The following LHPP variants were observed in gnomAD, a reference collection of about 807,000 sequenced individuals.
The protein encoded by LHPP is hLHPP.
In LHPP, 24 loss-of-function variants were observed where a neutral mutation model predicts 30.3. The observed-to-expected ratio is 0.79, with a 90% CI of 0.57 to 1.11. The LOEUF is 1.11. Among genes scored for constraint, LHPP ranks in the 50% most tolerant of loss-of-function variants. LHPP has a pLI of 0.00. For missense variants in LHPP, 356 were observed against 367.2 expected (o/e 0.97, Z 0.25); for synonymous variants, 150 against 157.1 (o/e 0.95, Z 0.34).
At chr10:124,525,419 C>T (rs1215474391) in intron 6 of LHPP, among the ~76,000 whole-genome samples, 2 of 152,228 alleles carry the variant, frequency 1.3e-5, no homozygotes, top group African/African-American at 2.4e-5. Flanking sequence ...TTTATGCCCC[C>T]ACCACGGGGG....
chr10:124,499,787 A>G (rs1055027594), intron 5 of LHPP, among the ~76,000 whole-genome samples: 11 of 151,948 alleles, frequency 7.2e-5, no homozygotes, highest in African/African-American at 2.7e-4. Flanking sequence ...CCCTGTGTGC[A>G]TTTCGGTCCA....
At chr10:124,544,724 G>A (rs115037696) in intron 6 of LHPP, among the ~76,000 whole-genome samples, 1,586 of 152,280 alleles carry the variant, frequency 0.01, 33 homozygotes, top group African/African-American at 0.036. Flanking sequence ...CGGTGTTCTC[G>A]TCTCTGAAGT....
At chr10:124,610,692 C>A (rs868315290) in intron 6 of LHPP, among the ~76,000 whole-genome samples, 4 of 54,490 alleles carry the variant, frequency 7.3e-5, no homozygotes, top group Admixed American at 3.5e-4. Flanking sequence ...GGTGCGGGTG[C>A]GGGTGCAGGT....
intron 6 of LHPP, among the ~76,000 whole-genome samples, chr10:124,579,502 C>T (rs189617644): frequency 2.8e-4 from 42 of 152,274 alleles, no homozygotes; most frequent in African/African-American, 9.9e-4. Context: ...ATTCCAGTCC[C>T]CTGATGATGG....
intron 5 of LHPP, among the ~76,000 whole-genome samples, chr10:124,513,375 G>A (rs1326234697): frequency 6.6e-6 from 1 of 151,546 alleles, no homozygotes; most frequent in African/African-American, 2.4e-5. Flanking sequence ...TCAGATTTTG[G>A]AGTAGGGGAG....
At chr10:124,513,220 C>G (rs1447010220) in intron 5 of LHPP, among the ~76,000 whole-genome samples, 3 of 151,870 alleles carry the variant, frequency 2.0e-5, no homozygotes, top group African/African-American at 7.3e-5. Context: ...GCCACCATGC[C>G]TGGCTAATTT....
At chr10:124,518,387 A>G (rs982332460) in intron 6 of LHPP, among the ~76,000 whole-genome samples, 2 of 152,218 alleles carry the variant, frequency 1.3e-5, no homozygotes, top group Non-Finnish European at 2.9e-5. Flanking sequence ...CCAGTCCCCA[A>G]TCCTGCCTTT....
rs114230200 is a variant in LHPP, at chr10:124,468,584, C to A, written c.125+6597C>A. Among the ~76,000 whole-genome samples the A allele has an allele frequency of 3.4e-3, 516 of 152,300 alleles. 2 individuals are homozygous for A. The highest frequency in any genetic ancestry group is 0.012 in the African/African-American group (505 of 41,562). ...GCCTTGTCCACGAGGACCTTCTCAA[C>A]TGACCTTTGTGGCCTCTTCCACTGG... On this transcript the variant is annotated intron_variant, in intron 1 of 6. Transcript: ENST00000368842.
intron 5 of LHPP, among the ~76,000 whole-genome samples, chr10:124,507,925 G>A (rs1315493561): frequency 2.6e-5 from 2 of 77,618 alleles, no homozygotes; most frequent in Non-Finnish European, 4.8e-5. Flanking sequence ...AGGTGGGGAG[G>A]GTAGGCATGA....
intron 6 of LHPP, among the ~76,000 whole-genome samples, chr10:124,552,119 G>C (rs12763659): frequency 0.39 from 59,580 of 151,862 alleles, 13,524 homozygotes; most frequent in Non-Finnish European, 0.52. Context: ...ACTCCAGGCT[G>C]CCCCTGCCCT....
chr10:124,600,581 G>C (rs959759300), intron 6 of LHPP, among the ~76,000 whole-genome samples: 1 of 152,246 alleles, frequency 6.6e-6, no homozygotes, highest in Non-Finnish European at 1.5e-5. Flanking sequence ...GGGGTCTCAC[G>C]CAGTGGGGCC....
rs146600345 is a variant in LHPP at position 124,537,319 on chromosome 10, G to A, written c.716+20048G>A. On this transcript the variant is annotated intron_variant, in intron 6 of 6. Transcript: ENST00000368842. ...GGCCCGTGAGCTGTTGGGGGTGTCA[G>A]GGTTCTGCCCGTGAGATCCTCCTTG... Among the ~76,000 whole-genome samples, 602 of 152,348 alleles carry A rather than the reference G, an allele frequency of 4.0e-3. 5 individuals are homozygous for A. Among genetic ancestry groups the A allele is most frequent in the African/African-American group, 0.013 (559 of 41,576 alleles).
intron 6 of LHPP, chr10:124,526,383 A>G (rs1318433522): frequency 3.9e-6 from 1 of 254,812 alleles, no homozygotes; most frequent in Non-Finnish European, 6.2e-6. Context: ...TAGATTTGCA[A>G]ATGGAAGCTC....
intron 6 of LHPP, among the ~76,000 whole-genome samples, chr10:124,607,515 A>G (rs924856909): frequency 5.3e-5 from 8 of 152,228 alleles, no homozygotes; most frequent in Non-Finnish European, 1.0e-4. Flanking sequence ...CACGGACGCC[A>G]TTCGGCTAGG....
At chr10:124,573,713 C>T (rs1022081342) in intron 6 of LHPP, among the ~76,000 whole-genome samples, 8 of 152,178 alleles carry the variant, frequency 5.3e-5, no homozygotes, top group African/African-American at 1.9e-4. Flanking sequence ...ATCCTTGCTG[C>T]CACATCATCA....
intron 5 of LHPP, among the ~76,000 whole-genome samples, chr10:124,505,107 C>T (rs891082340): frequency 6.6e-6 from 1 of 152,164 alleles, no homozygotes; most frequent in Non-Finnish European, 1.5e-5. Context: ...GACATTTCTG[C>T]CTGTCCCCTT....
chr10:124,535,928 G>A (rs1955013155), intron 6 of LHPP, among the ~76,000 whole-genome samples: 1 of 152,386 alleles, frequency 6.6e-6, no homozygotes, highest in South Asian at 2.1e-4. Flanking sequence ...TCAAGGTGGG[G>A]CCCCTGGACC....
At chr10:124,545,534 G>A (rs966564762) in intron 6 of LHPP, among the ~76,000 whole-genome samples, 7 of 152,200 alleles carry the variant, frequency 4.6e-5, no homozygotes, top group African/African-American at 1.7e-4. Flanking sequence ...CCTCCTGAGC[G>A]GCAGGACTAT....
At chr10:124,545,166 G>A (rs1415168584) in intron 6 of LHPP, among the ~76,000 whole-genome samples, 5 of 152,214 alleles carry the variant, frequency 3.3e-5, no homozygotes, top group Non-Finnish European at 7.3e-5. Flanking sequence ...GTGAAGGGGG[G>A]CTCCTGTGTG....
Sources: allele counts gnomAD v4.1 joint callset (sites outside exome capture counted in the v4.1 genomes callset), GRCh38; gene constraint gnomAD v4.1.1; transcripts MANE v1.5; gene names NCBI Gene and HGNC (gene_info 2026-07-23, HGNC 2026-07-21).